DPP10: variants seen among roughly 807,000 people sequenced by gnomAD.
DPP10 encodes the protein dipeptidyl peptidase like 10.
Under a neutral mutation model 120.9 loss-of-function variants are expected in DPP10, and 33 were observed. The observed-to-expected ratio is 0.27, with a 90% confidence interval of 0.21 to 0.37. DPP10 has a LOEUF of 0.37. DPP10 is among the 10% of genes least tolerant of loss of function. DPP10 has a pLI of 1.00. For missense variants in DPP10, 816 were observed against 942.8 expected, an observed-to-expected ratio of 0.87 and a Z score of 1.76; for synonymous variants, 337 against 326.1, an observed-to-expected ratio of 1.03 and a Z score of -0.36.
intron 1 of DPP10, among the ~76,000 whole-genome samples, chr2:114,680,309 G>C (rs981006305): frequency 6.6e-6 from 1 of 151,914 alleles, no homozygotes; most frequent in Non-Finnish European, 1.5e-5. Flanking sequence ...CTAAACTACA[G>C]AGCCATTTTC....
At chr2:115,331,944 G>A (rs2062772787) in intron 2 of DPP10, among the ~76,000 whole-genome samples, 1 of 152,106 alleles carries the variant, frequency 6.6e-6, no homozygotes, top group Non-Finnish European at 1.5e-5. Context: ...CTCATAAAGT[G>A]AGTTAGGGAG....
chr2:115,389,216 G>T (rs1000413049), intron 3 of DPP10, among the ~76,000 whole-genome samples: 2 of 151,760 alleles, frequency 1.3e-5, no homozygotes, highest in South Asian at 4.2e-4. Context: ...GCACACAGCT[G>T]CAACATTCCC....
At chr2:115,569,604 C>T (rs1436643094) in intron 5 of DPP10, among the ~76,000 whole-genome samples, 1 of 152,088 alleles carries the variant, frequency 6.6e-6, no homozygotes, top group Non-Finnish European at 1.5e-5. Context: ...CTATTTGATG[C>T]GAGAATTATA....
intron 1 of DPP10, among the ~76,000 whole-genome samples, chr2:115,185,245 CTTT>C (rs5833580): frequency 2.0e-5 from 3 of 146,954 alleles, no homozygotes; most frequent in Non-Finnish European, 1.5e-5. Context: ...TTTTTTGTTT[CTTT>C]TTTTTTTTTT....
In DPP10 at chr2:114,489,167, T is replaced by G. The variant is rs530135991; in HGVS notation, c.60+46329T>G. Among the ~76,000 whole-genome samples the G allele has an allele frequency of 4.6e-5, 7 of 152,354 alleles. No individual in the cohort carries two copies. The South Asian group carries it at 1.5e-3, about 32-fold the overall frequency. ...ATGTCATCCATGCCCGGATCCCTTA[T>G]GTATTTATAATATTCCTGCTGTATC... On this transcript the variant is annotated intron_variant, in intron 1 of 25. Coordinates refer to ENST00000410059, the MANE Select transcript of DPP10 (RefSeq NM_020868.6).
chr2:114,963,705 A>T (rs1698811182), intron 1 of DPP10, among the ~76,000 whole-genome samples: 1 of 152,158 alleles, frequency 6.6e-6, no homozygotes, highest in South Asian at 2.1e-4. Flanking sequence ...GCTAAGCTTG[A>T]GTCTACAGGA....
intron 3 of DPP10, among the ~76,000 whole-genome samples, chr2:115,395,814 T>G (rs2067638526): frequency 6.6e-6 from 1 of 152,062 alleles, no homozygotes; most frequent in Non-Finnish European, 1.5e-5. Flanking sequence ...CCCATCTAGT[T>G]TGCAGTTGAT....
In DPP10 at chr2:114,581,766, C is replaced by A. The variant is rs191718253; in HGVS notation, c.60+138928C>A. Among the ~76,000 whole-genome samples, 18 of 152,252 alleles carry A rather than the reference C, an allele frequency of 1.2e-4. No homozygotes were observed. The East Asian group carries it at 3.5e-3, about 29-fold the overall frequency. On this transcript the variant is annotated intron_variant, in intron 1 of 25. Transcript: ENST00000410059. ...ATGATTTACTTATTTTAAAAATGAT[C>A]CTTTAATATAATCTACCCAATTTAA...
intron 4 of DPP10, among the ~76,000 whole-genome samples, chr2:115,506,066 G>A (rs964486796): frequency 5.3e-5 from 8 of 151,916 alleles, no homozygotes; most frequent in Non-Finnish European, 8.8e-5. Context: ...ACATTTTCGA[G>A]AAACTTTTCA....
intron 1 of DPP10, among the ~76,000 whole-genome samples, chr2:115,102,398 T>G (rs2048734025): frequency 3.6e-5 from 3 of 82,886 alleles, no homozygotes; most frequent in Admixed American, 1.4e-4. Flanking sequence ...AGGGGTTTTT[T>G]GTTTGTTTGT....
chr2:115,516,076 G>T (rs2077489794), intron 4 of DPP10, among the ~76,000 whole-genome samples: 1 of 152,068 alleles, frequency 6.6e-6, no homozygotes, highest in Admixed American at 6.6e-5. Context: ...TTTTGGATTT[G>T]GGCCATAAAA....
At position 115,583,757 on chromosome 2, in the gene DPP10, CAT is replaced by C. The variant is rs138114272; in HGVS notation, c.441+57786_441+57787del. Among the ~76,000 whole-genome samples the C allele has an allele frequency of 2.1e-3, 325 of 152,246 alleles. 5 individuals are homozygous for C. Among genetic ancestry groups the C allele is most frequent in the Middle Eastern group, 0.02 (6 of 294 alleles). ...AGACACAACCTCTCAGGGAGAAAAA[CAT>C]CACCAAATTTGTGGCCATCTTTAAT... On this transcript the variant is annotated intron_variant, in intron 5 of 25. Coordinates refer to ENST00000410059, the MANE Select transcript of DPP10 (RefSeq NM_020868.6).
chr2:115,759,042 C>A (rs776162764), intron 11 of DPP10, among the ~76,000 whole-genome samples: 2 of 151,932 alleles, frequency 1.3e-5, no homozygotes, highest in African/African-American at 4.8e-5. Context: ...AATTATGAAA[C>A]AATAAATTGG....
At chr2:115,841,182 G>T (rs1203628389) in intron 25 of DPP10, among the ~76,000 whole-genome samples, 1 of 149,970 alleles carries the variant, frequency 6.7e-6, no homozygotes, top group Non-Finnish European at 1.5e-5. Flanking sequence ...TTGTTCCTTT[G>T]TCTTTATTAT....
intron 1 of DPP10, among the ~76,000 whole-genome samples, chr2:115,197,605 C>A (rs192550040): frequency 6.6e-6 from 1 of 152,226 alleles, no homozygotes; most frequent in East Asian, 1.9e-4. Context: ...TTGGCTGTAT[C>A]TTCAAGTTCT....
At chr2:115,577,881 T>G (rs1421292554) in intron 5 of DPP10, among the ~76,000 whole-genome samples, 3 of 152,212 alleles carry the variant, frequency 2.0e-5, no homozygotes, top group African/African-American at 7.2e-5. Flanking sequence ...AGACCCTGTA[T>G]CTAAATGCAG....
chr2:115,758,451 A>G (rs1169649652), intron 11 of DPP10, among the ~76,000 whole-genome samples: 1 of 152,168 alleles, frequency 6.6e-6, no homozygotes, highest in Non-Finnish European at 1.5e-5. Context: ...GGCATTTGAA[A>G]GACCTAAATA....
intron 1 of DPP10, among the ~76,000 whole-genome samples, chr2:114,519,221 G>A (rs1441727962): frequency 6.6e-6 from 1 of 152,170 alleles, no homozygotes. Flanking sequence ...CCTTTAGGAG[G>A]TTCCTTGATC....
At chr2:114,473,791 C>T (rs1156493084) in intron 1 of DPP10, among the ~76,000 whole-genome samples, 2 of 152,072 alleles carry the variant, frequency 1.3e-5, no homozygotes, top group East Asian at 3.9e-4. Context: ...AAAGAAGTAG[C>T]TTGCAAGTAA....
Sources: gnomAD v4.1 joint callset for allele counts (sites outside exome capture counted in the v4.1 genomes callset) on GRCh38, gnomAD v4.1.1 for gene constraint, MANE v1.5 for transcripts, NCBI Gene and HGNC (gene_info 2026-07-23, HGNC 2026-07-21) for gene names.